Variants in CENPU observed in about 807,000 individuals in gnomAD.
CENPU encodes the protein centromere protein U, also known as KSHV latent nuclear antigen interacting protein 1.
CENPU carries 46 observed loss-of-function variants against 56.7 expected under a neutral mutation model. The ratio of observed to expected loss-of-function variants is 0.81; its 90% CI spans 0.64 to 1.04. The LOEUF (loss-of-function observed/expected upper bound fraction) is 1.04. Ranked by LOEUF, CENPU falls within the 50% of genes least tolerant of loss-of-function variation. The pLI is 0.00. For synonymous variants in CENPU, 166 were observed against 163.0 expected, an observed-to-expected ratio of 1.02 and a Z score of -0.14; for missense variants, 510 against 490.1, an observed-to-expected ratio of 1.04 and a Z score of -0.38.
chr4:184,703,484 A>C (rs1452152461), intron 8 of CENPU, among the ~76,000 whole-genome samples: 2 of 152,234 alleles, frequency 1.3e-5, no homozygotes, highest in Non-Finnish European at 2.9e-5. Flanking sequence ...TATTATTAAA[A>C]AAAAACAAAA....
intron 8 of CENPU, among the ~76,000 whole-genome samples, chr4:184,708,242 AAAGC>A (rs1325074396): frequency 3.4e-5 from 5 of 146,450 alleles, no homozygotes; most frequent in East Asian, 1.9e-4. Flanking sequence ...AAAAAAAAAA[AAAGC>A]AGAAATATTA....
intron 8 of CENPU, among the ~76,000 whole-genome samples, chr4:184,703,471 G>A (rs893450962): frequency 1.3e-5 from 2 of 151,918 alleles, no homozygotes; most frequent in African/African-American, 4.8e-5. Flanking sequence ...CCATTAAGAT[G>A]GCTATTATTA....
At chr4:184,695,600 AGCT>A (rs1304140867) in intron 12 of CENPU, among the ~76,000 whole-genome samples, 199 bp from the exon 13 acceptor site, 1 of 152,158 alleles carries the variant, frequency 6.6e-6, no homozygotes, top group East Asian at 1.9e-4. Context: ...GTTGCTAGGG[AGCT>A]GCTCTGCAAA....
intron 7 of CENPU, 177 bp from the exon 8 acceptor site, chr4:184,710,357 C>CT (rs1260322373): frequency 2.4e-6 from 1 of 417,604 alleles, no homozygotes; most frequent in Non-Finnish European, 4.2e-6. Flanking sequence ...TCGCAAACCC[C>CT]TACATACACT....
At position 184,700,853 on chromosome 4, in the gene CENPU, T is replaced by C; in HGVS notation, c.953A>G (p.Gln318Arg). ...TTCATCCTGGACTTCAATCATACGC[T>C]GCCTTTTCTTTTCGATATCTGAAAT... The part of the protein sequence containing the change: ...KMISDIEKKR[Q>R]RMIEVQDELL... The change falls in exon 11 of 13, where the codon CAG (glutamine) becomes CGG (arginine). Residue 318 changes from glutamine (Q) to arginine (R), a missense_variant. Gln to Arg is a conservative substitution (Grantham distance 43). Coordinates refer to ENST00000281453, the MANE Select transcript of CENPU (RefSeq NM_024629.4). 6.2e-7 allele frequency: 1 copy of C among 1,613,946 alleles called. No homozygotes were observed. The highest frequency in any genetic ancestry group is 8.5e-7 in the Non-Finnish European group (1 of 1,179,788).
intron 3 of CENPU, among the ~76,000 whole-genome samples, chr4:184,725,509 T>C (rs1244834929): frequency 6.6e-6 from 1 of 152,202 alleles, no homozygotes; most frequent in African/African-American, 2.4e-5. Context: ...TCTCACTATG[T>C]TGCCCAGGTT....
chr4:184,727,376 G>A (rs1761493938), intron 3 of CENPU, among the ~76,000 whole-genome samples: 1 of 152,130 alleles, frequency 6.6e-6, no homozygotes, highest in South Asian at 2.1e-4. Flanking sequence ...GCACAACAAC[G>A]TGAATGTATT....
At chr4:184,704,892 T>C (rs1318278613) in intron 8 of CENPU, among the ~76,000 whole-genome samples, 1 of 152,032 alleles carries the variant, frequency 6.6e-6, no homozygotes, top group Non-Finnish European at 1.5e-5. Context: ...AAAAAGAAAA[T>C]ATTTCTACAC....
intron 3 of CENPU, among the ~76,000 whole-genome samples, chr4:184,727,097 C>G (rs1246296823): frequency 7.6e-6 from 1 of 131,384 alleles, no homozygotes; most frequent in Non-Finnish European, 1.6e-5. Context: ...GCCTAGGTGA[C>G]AGAGGAAGAC....
Position 184,716,970 on chromosome 4 carries a change from G to C in CENPU, c.381+166C>G, listed in dbSNP as rs73874425. Among the ~76,000 whole-genome samples, 1,102 of 152,270 alleles carry C rather than the reference G, an allele frequency of 7.2e-3. 14 individuals carry two copies. Among genetic ancestry groups the C allele is most frequent in the African/African-American group, 0.025 (1,045 of 41,546 alleles). On this transcript the variant is annotated intron_variant, in intron 5 of 12. Transcript: ENST00000281453. ...AAATATTTTGGTTTTTACTATAAAA[G>C]TATATCCTAAAAATAGAACTTTATG...
chr4:184,699,777 C>T (rs1293534535), intron 11 of CENPU, among the ~76,000 whole-genome samples: 1 of 152,080 alleles, frequency 6.6e-6, no homozygotes, highest in African/African-American at 2.4e-5. Flanking sequence ...TCTCGTGCCT[C>T]AACCTCCCGA....
chr4:184,721,442 T>A, intron 4 of CENPU, among the ~76,000 whole-genome samples: 2 of 83,988 alleles, frequency 2.4e-5, no homozygotes, highest in South Asian at 3.8e-4. Context: ...TCAAAAGACA[T>A]AGAGTGGCTG....
At chr4:184,725,141 G>T (rs1343603413) in intron 3 of CENPU, 79 bp from the exon 4 acceptor site, 2 of 771,706 alleles carry the variant, frequency 2.6e-6, no homozygotes, top group African/African-American at 1.8e-5. Flanking sequence ...CCTTACAATG[G>T]AGTACAAAAC....
At chr4:184,697,913 G>T (rs954932025) in intron 11 of CENPU, 110 bp from the exon 12 acceptor site, 4 of 708,350 alleles carry the variant, frequency 5.6e-6, no homozygotes, top group Non-Finnish European at 9.1e-6. Context: ...CCAACTAGAT[G>T]ACTTGCTTTG....
At position 184,716,444 on chromosome 4, in the gene CENPU, C is replaced by A. The variant is rs1384056388; in HGVS notation, c.571G>T (p.Ala191Ser). Residue 191 changes from alanine to serine, a missense_variant, in exon 6 of 13, where the codon GCC becomes TCC. Coordinates refer to ENST00000281453, the MANE Select transcript of CENPU (RefSeq NM_024629.4). The part of the protein sequence containing the change: ...VTSKKTGPLS[A>S]QPSVEKENLA... ...TTCTCTTTTTCAACAGAGGGCTGGG[C>A]ACTAAGGGGTCCTGTCTTTTTAGAA... 6.2e-7 allele frequency: 1 copy of A among 1,614,166 alleles called. No homozygotes were observed. Among genetic ancestry groups the A allele is most frequent in the African/African-American group, 1.3e-5 (1 of 75,050 alleles).
rs2150218569 is a variant in CENPU at position 184,716,567 on chromosome 4, T to G, written c.448A>C (p.Lys150Gln). 6.2e-7 allele frequency: 1 copy of G among 1,614,226 alleles called. No homozygotes were observed. The highest frequency in any genetic ancestry group is 8.5e-7 in the Non-Finnish European group (1 of 1,180,040). Reference sequence around the variant, plus strand: ...CTTATTTTCTCTGCTGATTTAACTTTTCTCCTTGTATCACTTTCTTCAATG... The same window carrying G: ...CTTATTTTCTCTGCTGATTTAACTTGTCTCCTTGTATCACTTTCTTCAATG... Reference protein sequence around the residue: ...ESIEESDTRRKVKSAEKISTQ... With the variant: ...ESIEESDTRRQVKSAEKISTQ... Residue 150 changes from lysine to glutamine, a missense_variant, in exon 6 of 13, where the codon AAA becomes CAA. Coordinates refer to ENST00000281453, the MANE Select transcript of CENPU (RefSeq NM_024629.4).
Position 184,703,019 on chromosome 4 carries a change from C to G in CENPU, c.798-578G>C, listed in dbSNP as rs555810453. On this transcript the variant is annotated intron_variant, in intron 8 of 12. Transcript: ENST00000281453. ...TCCGTCTTTACTATCATGGATAATG[C>G]TGCAATGAACATATGAGAGCACCAT... 4.6e-5 allele frequency among the ~76,000 whole-genome samples: 7 copies of G among 152,174 alleles called. No individual in the cohort carries two copies. In the East Asian group the frequency reaches 1.3e-3, roughly 29 times the overall value.
At chr4:184,717,750 CAG>C (rs1761140623) in intron 4 of CENPU, among the ~76,000 whole-genome samples, 1 of 152,162 alleles carries the variant, frequency 6.6e-6, no homozygotes, top group Non-Finnish European at 1.5e-5. Context: ...AAAGATGGTG[CAG>C]AGTGATGACC....
chr4:184,708,754 T>C (rs2150210141), intron 8 of CENPU, among the ~76,000 whole-genome samples: 1 of 152,290 alleles, frequency 6.6e-6, no homozygotes, highest in African/African-American at 2.4e-5. Flanking sequence ...GTTTAGAAGT[T>C]TTGCAACATA....
Sources: allele counts gnomAD v4.1 joint callset (sites outside exome capture counted in the v4.1 genomes callset), GRCh38; gene constraint gnomAD v4.1.1; transcripts MANE v1.5; gene names NCBI Gene and HGNC (gene_info 2026-07-23, HGNC 2026-07-21).